Variants in MAP3K1 observed in about 807,000 individuals in gnomAD.
MAP3K1 encodes the protein mitogen-activated protein kinase kinase kinase 1.
A neutral mutation model predicts 144.2 loss-of-function variants in MAP3K1; 36 were observed. That is an observed-to-expected ratio of 0.25 (90% CI 0.19 to 0.33). MAP3K1 has a LOEUF of 0.33. Among genes scored for constraint, MAP3K1 ranks in the 10% least tolerant of loss-of-function variants. The pLI, the probability that MAP3K1 is intolerant of heterozygous loss-of-function variation, is 1.00. For missense variants in MAP3K1, 1,650 were observed against 1,881.9 expected, an observed-to-expected ratio of 0.88 and a Z score of 2.28; for synonymous variants, 718 against 688.7, an observed-to-expected ratio of 1.04 and a Z score of -0.67.
At chr5:56,821,602 G>A (rs1581203943) in intron 1 of MAP3K1, among the ~76,000 whole-genome samples, 1 of 152,090 alleles carries the variant, frequency 6.6e-6, no homozygotes, top group African/African-American at 2.4e-5. Flanking sequence ...TCACTATGTT[G>A]CCCAGGCTGG....
At chr5:56,866,038 T>C in intron 6 of MAP3K1, 61 bp downstream of exon 6, 2 of 1,263,902 alleles carry the variant, frequency 1.6e-6, no homozygotes, top group Admixed American at 3.4e-5. Context: ...TTAGGGGTAA[T>C]TTTTTATATC....
In MAP3K1 at chr5:56,893,692, G is replaced by C. The variant is rs767828258; in HGVS notation, c.*12G>C. Reference sequence around the variant, plus strand: ...GTACTACATGGTAGCCAATTATGCAGATCAACTACAGTAGAAACAGGATGC... The same window carrying C: ...GTACTACATGGTAGCCAATTATGCACATCAACTACAGTAGAAACAGGATGC... On this transcript the variant is annotated 3_prime_UTR_variant, in exon 20 of 20. Transcript: ENST00000399503. 1.6e-5 allele frequency: 26 copies of C among 1,613,530 alleles called. 1 individual carries two copies. The South Asian group carries it at 2.3e-4, about 14-fold the overall frequency.
At chr5:56,823,747 G>A (rs1412360907) in intron 1 of MAP3K1, among the ~76,000 whole-genome samples, 1 of 152,166 alleles carries the variant, frequency 6.6e-6, no homozygotes, top group Non-Finnish European at 1.5e-5. Flanking sequence ...ACTTGTAGAC[G>A]TGCCTGGTGG....
rs1579793315 is a variant in MAP3K1 at position 56,894,081 on chromosome 5, T to C, written c.*401T>C. 3.4e-5 allele frequency: 11 copies of C among 325,908 alleles called. No homozygotes were observed. In the East Asian group the frequency reaches 5.1e-4, roughly 15 times the overall value. The allele number at this position is 325,908 out of a possible 1,614,324, so 20.2% of individuals were successfully genotyped here. A position where few individuals can be genotyped will look rare whatever the true frequency, so the allele number is the denominator to read the frequency against. On this transcript the variant is annotated 3_prime_UTR_variant, in exon 20 of 20. Transcript: ENST00000399503. ...CATATAGTGATCACAAGCAGGGGGT[T>C]CTGCAATTCCGTTCAAATTTTTTGT...
intron 1 of MAP3K1, among the ~76,000 whole-genome samples, chr5:56,831,900 C>T (rs552368375): frequency 2.0e-4 from 30 of 152,268 alleles, no homozygotes; most frequent in African/African-American, 7.2e-4. Context: ...TCCTTGTGGG[C>T]ATATTTGATT....
intron 1 of MAP3K1, among the ~76,000 whole-genome samples, chr5:56,830,585 T>C (rs1436920601): frequency 6.6e-6 from 1 of 152,204 alleles, no homozygotes; most frequent in African/African-American, 2.4e-5. Flanking sequence ...CACATTTTCC[T>C]GTAAATTTCT....
intron 3 of MAP3K1, among the ~76,000 whole-genome samples, chr5:56,864,259 G>A (rs1436523464): frequency 6.6e-6 from 1 of 152,080 alleles, no homozygotes; most frequent in Non-Finnish European, 1.5e-5. Flanking sequence ...GTTCACCTGA[G>A]ATGAGTATGT....
At chr5:56,840,870 GTTTTTT>G (rs5868031) in intron 1 of MAP3K1, among the ~76,000 whole-genome samples, 5 of 138,346 alleles carry the variant, frequency 3.6e-5, no homozygotes, top group African/African-American at 1.3e-4. Flanking sequence ...AATTGTTAAG[GTTTTTT>G]TTTTTTTTTT....
Position 56,883,574 on chromosome 5 carries a change from A to G in MAP3K1, c.3714A>G (p.Arg1238=). The G allele has an allele frequency of 6.2e-7, 1 of 1,614,184 alleles. No individual in the cohort carries two copies. The highest frequency in any genetic ancestry group is 8.5e-7 in the Non-Finnish European group (1 of 1,180,012). The change falls in exon 15 of 20, where the codon AGA becomes AGG. Residue 1238 remains arginine (R), a synonymous_variant. Coordinates refer to ENST00000399503, the MANE Select transcript of MAP3K1 (RefSeq NM_005921.2). ...ATACCAAAGCAAAACAACCGTATAG[A>G]GAAGACACTGAATGGCTGAAAGGTC... The part of the protein sequence containing the change: ...PGHTKAKQPY[R]EDTEWLKGQQ...
At chr5:56,883,714 C>G (rs1404553363) in intron 15 of MAP3K1, 35 bp downstream of exon 15, 1 of 1,604,484 alleles carries the variant, frequency 6.2e-7, no homozygotes, top group East Asian at 2.2e-5. Context: ...TGAAATGACT[C>G]AAATCACAAA....
intron 1 of MAP3K1, among the ~76,000 whole-genome samples, chr5:56,825,689 G>C (rs1251640532): frequency 6.6e-6 from 1 of 152,158 alleles, no homozygotes; most frequent in East Asian, 1.9e-4. Flanking sequence ...CACACCTTCA[G>C]CTTCCAATCA....
Position 56,815,566 on chromosome 5 carries a change from G to T in MAP3K1, c.-8G>T. On this transcript the variant is annotated 5_prime_UTR_variant, in exon 1 of 20. Transcript: ENST00000399503. ...CAGGGGCCGAGCGAATGTAGCCCGC[G>T]AGAGAAAATGGCGGCGGCGGCGGGG... The T allele has an allele frequency of 1.5e-6, 2 of 1,301,844 alleles. No homozygotes were observed. The highest frequency in any genetic ancestry group is 9.7e-7 in the Non-Finnish European group (1 of 1,027,832). 80.6% of individuals were successfully genotyped at this position (1,301,844 alleles called of 1,614,324 possible). A position where few individuals can be genotyped will look rare whatever the true frequency, so the allele number is the denominator to read the frequency against.
chr5:56,852,028 G>C (rs1747188670), intron 1 of MAP3K1: 1 of 151,898 alleles, frequency 6.6e-6, no homozygotes, highest in Non-Finnish European at 1.5e-5. Context: ...TAGAATGGTG[G>C]TAGGAAATTC....
intron 2 of MAP3K1, among the ~76,000 whole-genome samples, chr5:56,857,715 A>T (rs1165809561): frequency 6.6e-6 from 1 of 152,212 alleles, no homozygotes; most frequent in East Asian, 1.9e-4. Context: ...CCTTTTAGGC[A>T]GTGCAGTTTT....
At position 56,864,852 on chromosome 5, in the gene MAP3K1, T is replaced by TA. The variant is rs1169355679; in HGVS notation, c.954dup (p.Leu319ThrfsTer7). On this transcript the variant is annotated frameshift_variant, in exon 4 of 20. Coordinates refer to ENST00000399503, the MANE Select transcript of MAP3K1 (RefSeq NM_005921.2). LOFTEE classifies it high-confidence loss of function. ...AAAGTGATGCGGGCCAGACTGTACT[T>TA]ACTGCAGCAGATAGGGCCTAACTCT... 1 of 1,614,062 alleles carries TA rather than the reference T, an allele frequency of 6.2e-7. No individual in the cohort carries two copies. The highest frequency in any genetic ancestry group is 8.5e-7 in the Non-Finnish European group (1 of 1,180,000).
At position 56,894,395 on chromosome 5, in the gene MAP3K1, A is replaced by AG. The variant is rs1204597398; in HGVS notation, c.*716dup. 3 of 232,390 alleles carry AG rather than the reference A, an allele frequency of 1.3e-5. No individual in the cohort carries two copies. Among genetic ancestry groups the AG allele is most frequent in the Non-Finnish European group, 2.5e-5 (3 of 117,686 alleles). 14.4% of individuals were successfully genotyped at this position (232,390 alleles called of 1,614,324 possible). On this transcript the variant is annotated 3_prime_UTR_variant, in exon 20 of 20. Transcript: ENST00000399503. ...GAAAAAAAAAATGAACTAGATATGAAGTAGAGTTCATTAAATATCTTGCTA... is the reference window on the plus strand; with the variant it reads ...GAAAAAAAAAATGAACTAGATATGAAGGTAGAGTTCATTAAATATCTTGCTA...
intron 6 of MAP3K1, among the ~76,000 whole-genome samples, chr5:56,869,810 T>C (rs936426923): frequency 1.3e-5 from 2 of 152,226 alleles, no homozygotes; most frequent in African/African-American, 4.8e-5. Flanking sequence ...TAGGTAGTTG[T>C]ATACATCATT....
In MAP3K1 at chr5:56,816,052, C is replaced by G; in HGVS notation, c.479C>G (p.Ala160Gly). Residue 160 changes from alanine to glycine, a missense_variant, in exon 1 of 20, where the codon GCC becomes GGC. Transcript: ENST00000399503. Reference protein sequence around the residue: ...AAEPSPAAAPAGREMENKETL... With the variant: ...AAEPSPAAAPGGREMENKETL... ...GAGCCGTCTCCTGCAGCGGCCCCCG[C>G]CGGGTGAGCAGCACGGCCGGGGTCG... is the stretch of plus-strand genomic sequence containing the variant. 8.2e-7 allele frequency: 1 copy of G among 1,216,122 alleles called. No homozygotes were observed. The highest frequency in any genetic ancestry group is 1.0e-6 in the Non-Finnish European group (1 of 979,004). 75.3% of individuals were successfully genotyped at this position (1,216,122 alleles called of 1,614,324 possible).
At chr5:56,888,652 C>T (rs986598332) in intron 19 of MAP3K1, among the ~76,000 whole-genome samples, 2 of 152,180 alleles carry the variant, frequency 1.3e-5, no homozygotes, top group African/African-American at 4.8e-5. Context: ...CCCAGTCAGC[C>T]ACACAATCAC....
Sources: gnomAD v4.1 joint callset for allele counts (sites outside exome capture counted in the v4.1 genomes callset) on GRCh38, gnomAD v4.1.1 for gene constraint, MANE v1.5 for transcripts, NCBI Gene and HGNC (gene_info 2026-07-23, HGNC 2026-07-21) for gene names.